ST18: variants seen among roughly 807,000 people sequenced by gnomAD.
The protein encoded by ST18 is ST18 C2H2C-type zinc finger transcription factor.
Under a neutral mutation model 110.0 loss-of-function variants are expected in ST18, and 50 were observed. The observed-to-expected ratio is 0.45, with a 90% CI of 0.36 to 0.58. The LOEUF (loss-of-function observed/expected upper bound fraction) is 0.58. ST18 is among the 20% of genes least tolerant of loss of function. The pLI, the probability that ST18 is intolerant of heterozygous loss-of-function variation, is 0.00. For missense variants in ST18, 1,306 were observed against 1,280.1 expected, an observed-to-expected ratio of 1.02 and a Z score of -0.31; for synonymous variants, 461 against 452.4, an observed-to-expected ratio of 1.02 and a Z score of -0.24.
intron 2 of ST18, among the ~76,000 whole-genome samples, chr8:52,288,839 G>C (rs2095510671): frequency 6.6e-6 from 1 of 152,118 alleles, no homozygotes; most frequent in Non-Finnish European, 1.5e-5. Flanking sequence ...ATTCAGAGGA[G>C]TACAGGATGG....
chr8:52,163,940 G>A, intron 13 of ST18, 46 bp downstream of exon 13: 9 of 1,485,182 alleles, frequency 6.1e-6, no homozygotes, highest in South Asian at 1.2e-5. Flanking sequence ...CGCTGTGCAG[G>A]AGCCTGGATG....
chr8:52,325,403 T>G lies in ST18; in HGVS notation c.-465+83925A>C, dbSNP rs182755853. On this transcript the variant is annotated intron_variant, in intron 2 of 25. Coordinates refer to ENST00000689386, the MANE Select transcript of ST18 (RefSeq NM_001352837.2). ...AAATCTGTAAATGCCTGAATCCATA[T>G]TGCTTACAACAGAACAGAAATTCAT... is the stretch of plus-strand genomic sequence containing the variant. 4.3e-3 allele frequency among the ~76,000 whole-genome samples: 657 copies of G among 152,260 alleles called. 3 individuals are homozygous for G. Among genetic ancestry groups the G allele is most frequent in the Non-Finnish European group, 5.4e-3 (366 of 67,986 alleles).
At chr8:52,186,300 C>T (rs2072182699) in intron 8 of ST18, among the ~76,000 whole-genome samples, 2 of 152,224 alleles carry the variant, frequency 1.3e-5, no homozygotes, top group Admixed American at 6.5e-5. Context: ...GAACTTTTGG[C>T]TGATACACAA....
At chr8:52,222,160 CT>C (rs1222980754) in intron 3 of ST18, 1 of 152,134 alleles carries the variant, frequency 6.6e-6, no homozygotes, top group Non-Finnish European at 1.5e-5. Context: ...CATTTATTTT[CT>C]CAAAGATTGC....
chr8:52,377,041 G>A lies in ST18; in HGVS notation c.-465+32287C>T, dbSNP rs1391340715. 2.0e-5 allele frequency among the ~76,000 whole-genome samples: 3 copies of A among 152,142 alleles called. No homozygotes were observed. In the East Asian group the frequency reaches 5.8e-4, roughly 29 times the overall value. ...CTCTTATGACAATACATGTACTTAA[G>A]AAGGATGCCACATACACTCAAAGGT... is the stretch of plus-strand genomic sequence containing the variant. On this transcript the variant is annotated intron_variant, in intron 2 of 25. Transcript: ENST00000689386.
chr8:52,165,188 C>G lies in ST18; in HGVS notation c.1242G>C (p.Thr414=). 1 of 1,614,138 alleles carries G rather than the reference C, an allele frequency of 6.2e-7. No individual in the cohort carries two copies. Among genetic ancestry groups the G allele is most frequent in the Non-Finnish European group, 8.5e-7 (1 of 1,180,012 alleles). The change falls in exon 12 of 26, where the codon ACG becomes ACC. Residue 414 remains threonine, a synonymous_variant. Transcript: ENST00000689386. The stretch of plus-strand genomic sequence containing the variant: ...CATGACCCCTTCCTGTGCATCCCGG[C>G]GTGGGACACTTGAGCACATTTTCAT... ...AMHENVLKCP[T]PGCTGRGHVN... is the part of the protein sequence containing the mutation.
chr8:52,348,539 G>A (rs1818761105), intron 2 of ST18, among the ~76,000 whole-genome samples: 1 of 152,172 alleles, frequency 6.6e-6, no homozygotes. Context: ...TATCACCTGA[G>A]TTCGAGACCA....
chr8:52,382,168 T>C (rs1293804053), intron 2 of ST18, among the ~76,000 whole-genome samples: 1 of 152,156 alleles, frequency 6.6e-6, no homozygotes, highest in South Asian at 2.1e-4. Flanking sequence ...CGCCTATCCA[T>C]TTAAAGCCTT....
At chr8:52,179,528 C>A (rs937263245) in intron 9 of ST18, among the ~76,000 whole-genome samples, 5 of 152,218 alleles carry the variant, frequency 3.3e-5, no homozygotes, top group Middle Eastern at 6.8e-3. Flanking sequence ...GAGGTTGCTT[C>A]TATACTTGAT....
chr8:52,381,652 C>T lies in ST18; in HGVS notation c.-465+27676G>A, dbSNP rs565678730. 7.0e-4 allele frequency among the ~76,000 whole-genome samples: 107 copies of T among 152,246 alleles called. 1 individual carries two copies. The South Asian group carries it at 0.021, about 29-fold the overall frequency. ...TCATAAGTACAACATGTTAACTCAT[C>T]GCGTTAATAATTATCATACACTGCT... On this transcript the variant is annotated intron_variant, in intron 2 of 25. Transcript: ENST00000689386.
chr8:52,237,556 A>G lies in ST18; in HGVS notation c.-464-7479T>C, dbSNP rs535580461. ...AGCACTGGGATTGGACTCTTGCACT[A>G]AAGCCCATTTGTTCAATTAAAACAA... is the stretch of plus-strand genomic sequence containing the variant. On this transcript the variant is annotated intron_variant, in intron 2 of 25. Transcript: ENST00000689386. Among the ~76,000 whole-genome samples, 6 of 152,342 alleles carry G rather than the reference A, an allele frequency of 3.9e-5. No homozygotes were observed. In the South Asian group the frequency reaches 1.2e-3, roughly 32 times the overall value.
At chr8:52,282,830 C>T (rs1177036445) in intron 2 of ST18, among the ~76,000 whole-genome samples, 2 of 152,054 alleles carry the variant, frequency 1.3e-5, no homozygotes, top group African/African-American at 4.8e-5. Flanking sequence ...TGCCCAGTGC[C>T]TTCGGGAGCG....
At chr8:52,123,319 G>A (rs2045731621) in intron 23 of ST18, among the ~76,000 whole-genome samples, 1 of 152,158 alleles carries the variant, frequency 6.6e-6, no homozygotes. Flanking sequence ...AAAGCCATAT[G>A]CACTTTGTAT....
At chr8:52,313,811 G>A (rs766678209) in intron 2 of ST18, among the ~76,000 whole-genome samples, 20 of 152,166 alleles carry the variant, frequency 1.3e-4, no homozygotes, top group Non-Finnish European at 2.5e-4. Context: ...CGCAGCAATG[G>A]GAGCTGTGGT....
intron 2 of ST18, among the ~76,000 whole-genome samples, chr8:52,240,543 T>A (rs1280029979): frequency 6.6e-6 from 1 of 152,180 alleles, no homozygotes. Context: ...TCACTTTACA[T>A]TTGTTTCCTA....
chr8:52,386,568 T>G (rs1183623522), intron 2 of ST18, among the ~76,000 whole-genome samples: 1 of 152,204 alleles, frequency 6.6e-6, no homozygotes, highest in East Asian at 1.9e-4. Flanking sequence ...TTGTTAGTTT[T>G]ATAAAGCAAT....
chr8:52,193,527 T>C (rs556844571), intron 8 of ST18, among the ~76,000 whole-genome samples: 3 of 152,226 alleles, frequency 2.0e-5, no homozygotes, highest in Non-Finnish European at 1.5e-5. Context: ...GCACTGCAAT[T>C]CAACTTCTCT....
intron 13 of ST18, among the ~76,000 whole-genome samples, chr8:52,162,541 C>G (rs2061736314): frequency 6.6e-6 from 1 of 152,144 alleles, no homozygotes; most frequent in South Asian, 2.1e-4. Flanking sequence ...TTAAATGGCA[C>G]TTCAATATTT....
intron 2 of ST18, among the ~76,000 whole-genome samples, chr8:52,331,397 A>C (rs1809333582): frequency 6.6e-6 from 1 of 152,034 alleles, no homozygotes; most frequent in Non-Finnish European, 1.5e-5. Flanking sequence ...AATTATGTTA[A>C]GGTCCATGTG....
Sources: allele counts gnomAD v4.1 joint callset (sites outside exome capture counted in the v4.1 genomes callset), GRCh38; gene constraint gnomAD v4.1.1; transcripts MANE v1.5; gene names NCBI Gene and HGNC (gene_info 2026-07-23, HGNC 2026-07-21).